Variants in SRGAP2 observed in about 807,000 individuals in gnomAD.
SRGAP2 encodes the protein SLIT-ROBO Rho GTPase-activating protein 2.
SRGAP2 carries 15 observed loss-of-function variants against 57.2 expected under a neutral mutation model. The observed-to-expected ratio is 0.26, with a 90% confidence interval of 0.18 to 0.40. The LOEUF is 0.40. Among genes scored for constraint, SRGAP2 ranks in the 10% least tolerant of loss-of-function variants. SRGAP2 has a pLI of 1.00. For synonymous variants in SRGAP2, 249 were observed against 248.0 expected (o/e 1.00, Z -0.04); for missense variants, 520 against 669.6 (o/e 0.78, Z 2.47).
At chr1:206,444,232 G>A (rs1306203226) in intron 17 of SRGAP2, among the ~76,000 whole-genome samples, 1 of 151,616 alleles carries the variant, frequency 6.6e-6, no homozygotes, top group Non-Finnish European at 1.5e-5. Context: ...TGTTCCCACT[G>A]TATATTGGAA....
chr1:206,332,347 C>A (rs1290796670), intron 3 of SRGAP2, among the ~76,000 whole-genome samples: 1 of 104,198 alleles, frequency 9.6e-6, no homozygotes, highest in Non-Finnish European at 1.9e-5. Flanking sequence ...TGAATCTGAA[C>A]GTTGGCCTGC....
intron 2 of SRGAP2, among the ~76,000 whole-genome samples, chr1:206,272,475 G>T (rs1288231241): frequency 1.3e-5 from 2 of 151,440 alleles, no homozygotes; most frequent in African/African-American, 2.4e-5. Context: ...GCAGTGGCAC[G>T]ATCTCGGCTC....
chr1:206,413,286 C>T (rs1659376799), intron 10 of SRGAP2, among the ~76,000 whole-genome samples: 1 of 152,156 alleles, frequency 6.6e-6, no homozygotes, highest in Non-Finnish European at 1.5e-5. Flanking sequence ...GCTTTTGAGG[C>T]TTGCATTGTT....
intron 5 of SRGAP2, among the ~76,000 whole-genome samples, chr1:206,392,029 C>T (rs1375815086): frequency 1.3e-5 from 2 of 150,610 alleles, no homozygotes; most frequent in African/African-American, 4.9e-5. Context: ...TGGAATTGTC[C>T]TAAGGATGAA....
At chr1:206,231,833 C>T (rs1452471385) in intron 2 of SRGAP2, among the ~76,000 whole-genome samples, 1 of 151,808 alleles carries the variant, frequency 6.6e-6, no homozygotes, top group Non-Finnish European at 1.5e-5. Flanking sequence ...TCATCATGCC[C>T]GGCCTCGTTT....
At chr1:206,210,879 C>T (rs1227241461) in intron 2 of SRGAP2, among the ~76,000 whole-genome samples, 1 of 151,600 alleles carries the variant, frequency 6.6e-6, no homozygotes, top group African/African-American at 2.4e-5. Flanking sequence ...GGCTCCTGTC[C>T]CTTGCTCAGG....
Position 206,415,945 on chromosome 1 carries a change from T to A in SRGAP2, c.1413T>A (p.His471Gln), listed in dbSNP as rs1553361754. ...TCATCACCAAGTTACAAGCCAAGCA[T>A]GACCTTCTGCAGAAAACCCTGGGAG... is the stretch of plus-strand genomic sequence containing the variant. Reference protein sequence around the residue: ...RNLITKLQAKHDLLQKTLGES... With the variant: ...RNLITKLQAKQDLLQKTLGES... The change falls in exon 11 of 23, where the codon CAT (histidine) becomes CAA (glutamine). Residue 471 changes from histidine to glutamine, a missense_variant. Transcript: ENST00000573034. 1 of 780,526 alleles carries A rather than the reference T, an allele frequency of 1.3e-6. No individual in the cohort carries two copies. Among genetic ancestry groups the A allele is most frequent in the Non-Finnish European group, 2.4e-6 (1 of 417,956 alleles). 48.4% of individuals were successfully genotyped at this position (780,526 alleles called of 1,614,324 possible). A position where few individuals can be genotyped will look rare whatever the true frequency, so the allele number is the denominator to read the frequency against.
chr1:206,327,686 T>A (rs1310075932), intron 3 of SRGAP2, among the ~76,000 whole-genome samples: 2 of 116,590 alleles, frequency 1.7e-5, no homozygotes, highest in Admixed American at 9.0e-5. Context: ...TTATTTATTT[T>A]TTTAAAAGAT....
intron 3 of SRGAP2, among the ~76,000 whole-genome samples, chr1:206,326,873 G>A (rs1264085560): frequency 2.0e-5 from 3 of 152,216 alleles, no homozygotes; most frequent in Non-Finnish European, 4.4e-5. Flanking sequence ...GCAACAAAAT[G>A]TATTCCTGGC....
intron 17 of SRGAP2, 117 bp from the exon 18 acceptor site, chr1:206,445,958 G>A (rs1662719500): frequency 1.5e-6 from 1 of 656,692 alleles, no homozygotes; most frequent in East Asian, 2.7e-5. Flanking sequence ...CACCCAGAAA[G>A]GCAGGTGGCA....
chr1:206,278,882 A>C (rs2102680766), intron 2 of SRGAP2, among the ~76,000 whole-genome samples: 2 of 149,410 alleles, frequency 1.3e-5, no homozygotes, highest in East Asian at 3.9e-4. Flanking sequence ...CTGTGGCTGA[A>C]GCAGAGTGCT....
chr1:206,409,737 G>C (rs1328607518), intron 10 of SRGAP2, among the ~76,000 whole-genome samples: 1 of 150,978 alleles, frequency 6.6e-6, no homozygotes, highest in Non-Finnish European at 1.5e-5. Flanking sequence ...AGCCAAGATC[G>C]TGTCACTGCA....
chr1:206,292,205 A>T (rs1271630924), intron 2 of SRGAP2, among the ~76,000 whole-genome samples: 16 of 152,308 alleles, frequency 1.1e-4, no homozygotes, highest in Non-Finnish European at 1.9e-4. Context: ...CAAGGAGGGA[A>T]AATATTTCAT....
At chr1:206,327,837 A>G (rs1235963752) in intron 3 of SRGAP2, among the ~76,000 whole-genome samples, 2 of 100,072 alleles carry the variant, frequency 2.0e-5, no homozygotes, top group Non-Finnish European at 3.6e-5. Flanking sequence ...TTTAAGTTTT[A>G]GGGTACATGT....
At chr1:206,310,073 C>T (rs1672524438) in intron 3 of SRGAP2, among the ~76,000 whole-genome samples, 1 of 151,544 alleles carries the variant, frequency 6.6e-6, no homozygotes, top group South Asian at 2.1e-4. Flanking sequence ...GATACTCTCT[C>T]ATGTATAAGG....
rs1464525412 is a variant in SRGAP2 at position 206,289,512 on chromosome 1, C to T, written c.68-13769C>T. Among the ~76,000 whole-genome samples the T allele has an allele frequency of 3.3e-5, 5 of 151,950 alleles. No individual in the cohort carries two copies. The East Asian group carries it at 9.7e-4, about 29-fold the overall frequency. The stretch of plus-strand genomic sequence containing the variant: ...CAGGATGGTCTCGATCTCCTGACCT[C>T]GTGGTCCGCCTGCCTTGGCCTCCCA... On this transcript the variant is annotated intron_variant, in intron 2 of 22. Transcript: ENST00000573034.
At chr1:206,249,391 A>C (rs1413699394) in intron 2 of SRGAP2, among the ~76,000 whole-genome samples, 1 of 152,202 alleles carries the variant, frequency 6.6e-6, no homozygotes, top group Non-Finnish European at 1.5e-5. Context: ...GCAGGTAAAC[A>C]CCATGGAATA....
chr1:206,327,361 A>G (rs1277879518), intron 3 of SRGAP2, among the ~76,000 whole-genome samples: 2 of 151,152 alleles, frequency 1.3e-5, no homozygotes, highest in East Asian at 3.9e-4. Context: ...CCTATTTAGT[A>G]TACTAATGAA....
At chr1:206,227,878 CT>C (rs1358674892) in intron 2 of SRGAP2, among the ~76,000 whole-genome samples, 2 of 151,864 alleles carry the variant, frequency 1.3e-5, no homozygotes, top group African/African-American at 2.4e-5. Context: ...AAAAGTGCCC[CT>C]AAGCCTCCTT....
Sources: allele counts gnomAD v4.1 joint callset (sites outside exome capture counted in the v4.1 genomes callset), GRCh38; gene constraint gnomAD v4.1.1; transcripts MANE v1.5; gene names NCBI Gene and HGNC (gene_info 2026-07-23, HGNC 2026-07-21).